Variants in TENM3 observed in about 807,000 individuals in gnomAD.
TENM3 encodes teneurin-3.
Under a neutral mutation model 255.1 loss-of-function variants are expected in TENM3, and 63 were observed. The ratio of observed to expected loss-of-function variants is 0.25; its 90% CI spans 0.20 to 0.30. The LOEUF (loss-of-function observed/expected upper bound fraction) is 0.30, where lower values mean the gene tolerates loss of function less well. TENM3 is among the 10% of genes least tolerant of loss of function. The pLI, the probability that TENM3 is intolerant of heterozygous loss-of-function variation, is 1.00. For synonymous variants in TENM3, 1,306 were observed against 1,322.3 expected (o/e 0.99, Z 0.27); for missense variants, 2,929 against 3,461.1 (o/e 0.85, Z 3.86).
At chr4:181,707,889 G>A in the TENM3 span, among the ~76,000 whole-genome samples, 1 of 151,962 alleles carries the variant, frequency 6.6e-6, no homozygotes, top group Non-Finnish European at 1.5e-5. Context: ...ATTCATAAAA[G>A]GATACAGAAA....
chr4:181,593,738 C>T, the TENM3 span, among the ~76,000 whole-genome samples: 5 of 152,270 alleles, frequency 3.3e-5, no homozygotes, highest in Admixed American at 2.6e-4. Flanking sequence ...TTTCTTAGTC[C>T]AGCCTTGCCA....
chr4:182,126,241 T>C, the TENM3 span, among the ~76,000 whole-genome samples: 2 of 152,114 alleles, frequency 1.3e-5, no homozygotes, highest in Non-Finnish European at 2.9e-5. Flanking sequence ...TCAGCATTAT[T>C]ATCCACAGTC....
intron 3 of TENM3, among the ~76,000 whole-genome samples, chr4:182,528,662 A>G (rs549477606): frequency 6.2e-4 from 94 of 152,322 alleles, no homozygotes; most frequent in East Asian, 3.7e-3. Context: ...TTGTATTACT[A>G]TGAATCACTC....
chr4:181,917,266 G>A, the TENM3 span, among the ~76,000 whole-genome samples: 3 of 152,298 alleles, frequency 2.0e-5, no homozygotes, highest in South Asian at 6.2e-4. Context: ...TTCAAAGGCG[G>A]TAGGTATAGG....
At chr4:181,657,061 C>T in the TENM3 span, among the ~76,000 whole-genome samples, 11 of 152,138 alleles carry the variant, frequency 7.2e-5, no homozygotes, top group African/African-American at 1.9e-4. Context: ...GGCCTGTGCG[C>T]GTAGTAAAAA....
At chr4:181,780,634 A>G in the TENM3 span, among the ~76,000 whole-genome samples, 1 of 152,080 alleles carries the variant, frequency 6.6e-6, no homozygotes, top group African/African-American at 2.4e-5. Context: ...GAAGTTCTTT[A>G]GTTTAATTAG....
At chr4:181,990,025 A>G in the TENM3 span, among the ~76,000 whole-genome samples, 2 of 152,182 alleles carry the variant, frequency 1.3e-5, no homozygotes, top group East Asian at 3.8e-4. Context: ...ATATTTTCAG[A>G]GTCTAATCAG....
rs1755949306 is a variant in TENM3 at position 182,679,559 on chromosome 4, A to G, written c.1327-107A>G. ...TTGGACCTGTCAGGAACTTCTTTCT[A>G]ACATTGTATTTGTTAGAGCAAAGGA... On this transcript the variant is annotated intron_variant, in intron 7 of 27. Transcript: ENST00000511685. 7 of 893,788 alleles carry G rather than the reference A, an allele frequency of 7.8e-6. No individual in the cohort carries two copies. The East Asian group carries it at 1.8e-4, about 22-fold the overall frequency. 55.4% of individuals were successfully genotyped at this position (893,788 alleles called of 1,614,324 possible).
At chr4:181,616,675 C>T in the TENM3 span, among the ~76,000 whole-genome samples, 1 of 152,062 alleles carries the variant, frequency 6.6e-6, no homozygotes, top group East Asian at 1.9e-4. Flanking sequence ...AGGCCAAAGG[C>T]CTGAGAACCT....
chr4:182,029,738 G>A, the TENM3 span, among the ~76,000 whole-genome samples: 5 of 152,120 alleles, frequency 3.3e-5, no homozygotes, highest in South Asian at 1.0e-3. Flanking sequence ...AAAAGTATTT[G>A]TATTATCCTT....
intron 3 of TENM3, among the ~76,000 whole-genome samples, chr4:182,581,012 T>C (rs2152357951): frequency 6.6e-6 from 1 of 152,340 alleles, no homozygotes; most frequent in South Asian, 2.1e-4. Flanking sequence ...TAAGGTGTGC[T>C]ACCTCTAATT....
intron 3 of TENM3, among the ~76,000 whole-genome samples, chr4:182,509,918 CAA>C (rs1296494732): frequency 2.3e-5 from 2 of 86,206 alleles, no homozygotes; most frequent in East Asian, 3.3e-4. Context: ...ACCTGGACAA[CAA>C]GAGCAAAACT....
chr4:182,493,104 T>G (rs1411572441), intron 3 of TENM3, among the ~76,000 whole-genome samples: 2 of 152,142 alleles, frequency 1.3e-5, no homozygotes, highest in African/African-American at 4.8e-5. Flanking sequence ...CCTAGAAAAT[T>G]TAGTGAGTTG....
chr4:181,997,198 T>C, the TENM3 span, among the ~76,000 whole-genome samples: 1 of 152,166 alleles, frequency 6.6e-6, no homozygotes, highest in African/African-American at 2.4e-5. Context: ...ACATCTCTAG[T>C]TGATTCGTAA....
the TENM3 span, among the ~76,000 whole-genome samples, chr4:181,869,541 A>C: frequency 2.0e-5 from 3 of 152,106 alleles, no homozygotes; most frequent in Non-Finnish European, 4.4e-5. Flanking sequence ...GGGGATGGAT[A>C]CACCCTTCTC....
the TENM3 span, among the ~76,000 whole-genome samples, chr4:181,516,578 T>G: frequency 2.0e-5 from 3 of 151,928 alleles, no homozygotes; most frequent in Non-Finnish European, 4.4e-5. Flanking sequence ...ATTGGGAGTT[T>G]GAGACCAGCC....
At chr4:181,904,948 C>T in the TENM3 span, among the ~76,000 whole-genome samples, 2 of 152,152 alleles carry the variant, frequency 1.3e-5, no homozygotes, top group South Asian at 2.1e-4. Flanking sequence ...AGTTTCCCTG[C>T]ACAAGCTCTC....
chr4:182,358,535 A>G (rs986910623), intron 3 of TENM3, among the ~76,000 whole-genome samples: 1 of 152,062 alleles, frequency 6.6e-6, no homozygotes, highest in Non-Finnish European at 1.5e-5. Flanking sequence ...TTATCGGTGT[A>G]TAAGAATGCT....
the TENM3 span, among the ~76,000 whole-genome samples, chr4:181,756,690 T>C: frequency 8.5e-4 from 129 of 152,344 alleles, no homozygotes; most frequent in African/African-American, 2.7e-3. Flanking sequence ...CGAAAGCAAA[T>C]GTTAGGGCTA....
Sources: gnomAD v4.1 joint callset for allele counts (sites outside exome capture counted in the v4.1 genomes callset) on GRCh38, gnomAD v4.1.1 for gene constraint, MANE v1.5 for transcripts, NCBI Gene and HGNC (gene_info 2026-07-23, HGNC 2026-07-21) for gene names.